The following RCAN2 variants were observed in gnomAD, a reference collection of about 807,000 sequenced individuals.
The protein encoded by RCAN2 is calcipressin-2.
In RCAN2, 9 loss-of-function variants were observed where a neutral mutation model predicts 23.6. The ratio of observed to expected loss-of-function variants is 0.38; its 90% confidence interval spans 0.23 to 0.67. The LOEUF is 0.67. Ranked by LOEUF, RCAN2 falls within the 30% of genes least tolerant of loss-of-function variation. The probability of loss-of-function intolerance (pLI) is 0.51; values close to 1 mark genes in which losing one functional copy is unlikely to be tolerated. For missense variants in RCAN2, 273 were observed against 302.3 expected (o/e 0.90, Z 0.72); for synonymous variants, 109 against 115.7 (o/e 0.94, Z 0.37).
In RCAN2 at chr6:46,456,856, A is replaced by C. The variant is rs1768049561; in HGVS notation, c.121T>G (p.Phe41Val). The C allele has an allele frequency of 5.2e-6, 8 of 1,550,708 alleles. No individual in the cohort carries two copies. The East Asian group carries it at 2.0e-4, about 38-fold the overall frequency. Reference sequence around the variant, plus strand: ...ATTGCTTGAAAGGCTTCTTCTGCAAAACAACGAGTGACAGCCCAGTCCCTG... The same window carrying C: ...ATTGCTTGAAAGGCTTCTTCTGCAACACAACGAGTGACAGCCCAGTCCCTG... ...IDRDWAVTRCFAEEAFQAITD... is the reference protein window; with the variant it reads ...IDRDWAVTRCVAEEAFQAITD... The change falls in exon 2 of 5, where the codon TTT becomes GTT. Residue 41 changes from phenylalanine to valine, a missense_variant. Transcript: ENST00000371374.
intron 2 of RCAN2, among the ~76,000 whole-genome samples, chr6:46,317,044 A>C (rs1233945049): frequency 6.6e-6 from 1 of 152,186 alleles, no homozygotes; most frequent in African/African-American, 2.4e-5. Context: ...TATTGCTTTC[A>C]CTGCCTCTGC....
chr6:46,376,032 A>G (rs1765450651), intron 2 of RCAN2, among the ~76,000 whole-genome samples: 1 of 152,196 alleles, frequency 6.6e-6, no homozygotes, highest in Non-Finnish European at 1.5e-5. Context: ...TCCAACTCAA[A>G]CACCATTTTC....
At chr6:46,417,113 G>C (rs1361058439) in intron 2 of RCAN2, among the ~76,000 whole-genome samples, 1 of 152,138 alleles carries the variant, frequency 6.6e-6, no homozygotes, top group Non-Finnish European at 1.5e-5. Flanking sequence ...TCAAGTAAAT[G>C]CATAGATGGA....
At chr6:46,297,758 T>G (rs941988393) in intron 2 of RCAN2, among the ~76,000 whole-genome samples, 4 of 152,282 alleles carry the variant, frequency 2.6e-5, no homozygotes, top group Admixed American at 2.6e-4. Context: ...AACTATTTCC[T>G]AAGACAGAGA....
chr6:46,235,770 C>T (rs2150310876), intron 4 of RCAN2, among the ~76,000 whole-genome samples: 1 of 152,262 alleles, frequency 6.6e-6, no homozygotes, highest in African/African-American at 2.4e-5. Flanking sequence ...CTTCCCTACA[C>T]ACCCCTTGTT....
chr6:46,303,270 C>A (rs1762964672), intron 2 of RCAN2, among the ~76,000 whole-genome samples: 3 of 151,836 alleles, frequency 2.0e-5, no homozygotes, highest in Admixed American at 2.0e-4. Context: ...GCCTTGTGTA[C>A]TTACTGGGAT....
At chr6:46,328,601 TAG>T (rs1371964842) in intron 2 of RCAN2, among the ~76,000 whole-genome samples, 1 of 151,606 alleles carries the variant, frequency 6.6e-6, no homozygotes, top group Non-Finnish European at 1.5e-5. Flanking sequence ...CCTGTTTCTC[TAG>T]AGTTTTGTTT....
intron 2 of RCAN2, among the ~76,000 whole-genome samples, chr6:46,331,638 C>A (rs1216232977): frequency 1.3e-5 from 2 of 152,182 alleles, no homozygotes; most frequent in Non-Finnish European, 2.9e-5. Context: ...CTCCAAGGAA[C>A]CCCAGTTCCA....
At chr6:46,340,589 C>A (rs979824955) in intron 2 of RCAN2, among the ~76,000 whole-genome samples, 5 of 152,176 alleles carry the variant, frequency 3.3e-5, no homozygotes, top group African/African-American at 4.8e-5. Flanking sequence ...CATTCTAGAT[C>A]TTTGAAGGAC....
At chr6:46,356,807 G>A (rs753293058) in intron 2 of RCAN2, among the ~76,000 whole-genome samples, 1 of 152,184 alleles carries the variant, frequency 6.6e-6, no homozygotes, top group Non-Finnish European at 1.5e-5. Flanking sequence ...CACAGATATT[G>A]CTTCTTCAGA....
At chr6:46,309,371 G>A (rs1190351624) in intron 2 of RCAN2, among the ~76,000 whole-genome samples, 1 of 152,108 alleles carries the variant, frequency 6.6e-6, no homozygotes, top group Non-Finnish European at 1.5e-5. Flanking sequence ...TTTTCACATA[G>A]TATTAAGAGA....
intron 2 of RCAN2, among the ~76,000 whole-genome samples, chr6:46,384,863 A>G (rs1186928280): frequency 1.3e-5 from 2 of 152,186 alleles, no homozygotes; most frequent in Admixed American, 1.3e-4. Flanking sequence ...ATGGATATAT[A>G]CATTCGTCAA....
chr6:46,435,457 C>A (rs1010522951), intron 2 of RCAN2, among the ~76,000 whole-genome samples: 1 of 152,138 alleles, frequency 6.6e-6, no homozygotes, highest in African/African-American at 2.4e-5. Context: ...ATTTTAAAAA[C>A]CATATTCAGA....
rs193095735 is a variant in RCAN2 at position 46,405,060 on chromosome 6, C to T, written c.225+51692G>A. Among the ~76,000 whole-genome samples the T allele has an allele frequency of 9.5e-4, 145 of 152,270 alleles. 2 individuals are homozygous for T. The highest frequency in any genetic ancestry group is 3.1e-3 in the African/African-American group (127 of 41,558). On this transcript the variant is annotated intron_variant, in intron 2 of 4. Coordinates refer to ENST00000371374, the MANE Select transcript of RCAN2 (RefSeq NM_001251974.2). ...TAGATGAAAGCGTGTCCAGAATTGG[C>T]GGGTTCTTGATCTCACCGACTTCAA...
Position 46,422,225 on chromosome 6 carries a change from G to A in RCAN2, c.225+34527C>T, listed in dbSNP as rs538919793. ...TCTCCTGCCAGCTGGTTGTAAAAAA[G>A]AGCCTGGCACCTCCCCGGCCCAGCC... On this transcript the variant is annotated intron_variant, in intron 2 of 4. Transcript: ENST00000371374. 1.4e-4 allele frequency among the ~76,000 whole-genome samples: 22 copies of A among 152,188 alleles called. No individual in the cohort carries two copies. The South Asian group carries it at 4.6e-3, about 32-fold the overall frequency.
intron 2 of RCAN2, among the ~76,000 whole-genome samples, chr6:46,415,894 T>C (rs1051505347): frequency 6.6e-6 from 1 of 152,214 alleles, no homozygotes; most frequent in African/African-American, 2.4e-5. Flanking sequence ...GAGTCTGTGA[T>C]ATAAAATGAT....
intron 1 of RCAN2, among the ~76,000 whole-genome samples, chr6:46,459,377 A>AAAATCT (rs1347511317): frequency 6.6e-6 from 1 of 152,254 alleles, no homozygotes; most frequent in Non-Finnish European, 1.5e-5. Context: ...TTTTCCAAAA[A>AAAATCT]AAATCTAAAA....
chr6:46,410,492 G>A (rs1766517104), intron 2 of RCAN2, among the ~76,000 whole-genome samples: 1 of 152,042 alleles, frequency 6.6e-6, no homozygotes, highest in South Asian at 2.1e-4. Flanking sequence ...ATTCAGAGCA[G>A]GAAACAACAA....
At chr6:46,305,123 C>A (rs78075776) in intron 2 of RCAN2, among the ~76,000 whole-genome samples, 1 of 152,126 alleles carries the variant, frequency 6.6e-6, no homozygotes, top group East Asian at 1.9e-4. Flanking sequence ...GAGGACCTCA[C>A]TTCACATCAG....
Sources: allele counts gnomAD v4.1 joint callset (sites outside exome capture counted in the v4.1 genomes callset), GRCh38; gene constraint gnomAD v4.1.1; transcripts MANE v1.5; gene names NCBI Gene and HGNC (gene_info 2026-07-23, HGNC 2026-07-21).